Variants in GPR157 observed in about 807,000 individuals in gnomAD.
GPR157 encodes the protein G protein-coupled receptor 157, also known as G-protein coupled receptor 157.
A neutral mutation model predicts 23.5 loss-of-function variants in GPR157; 16 were observed. The ratio of observed to expected loss-of-function variants is 0.68; its 90% CI spans 0.46 to 1.04. The LOEUF (loss-of-function observed/expected upper bound fraction) is 1.04. GPR157 is among the 50% of genes least tolerant of loss of function. The pLI is 0.00. For synonymous variants in GPR157, 200 were observed against 221.5 expected (o/e 0.90, Z 0.86); for missense variants, 440 against 460.7 (o/e 0.96, Z 0.41).
In GPR157 at chr1:9,105,657, C is replaced by T; in HGVS notation, c.621G>A (p.Arg207=). 1 of 1,611,656 alleles carries T rather than the reference C, an allele frequency of 6.2e-7. No homozygotes were observed. The highest frequency in any genetic ancestry group is 8.5e-7 in the Non-Finnish European group (1 of 1,178,998). ...NRAHTALSEY[R]PILSQEHRLL... is the part of the protein sequence containing the mutation. Reference sequence around the variant, plus strand: ...GGCGGTGCTCCTGGGAGAGGATGGGCCGGTACTCAGAGAGTGCCGTGTGCT... The same window carrying T: ...GGCGGTGCTCCTGGGAGAGGATGGGTCGGTACTCAGAGAGTGCCGTGTGCT... Residue 207 remains arginine, a synonymous_variant, in exon 3 of 4, where the codon CGG becomes CGA. Coordinates refer to ENST00000377411, the MANE Select transcript of GPR157 (RefSeq NM_024980.5). This position sits in a 1 kb window ranked among gnomAD's most constrained non-coding sequence, Gnocchi z 4.8.
chr1:9,117,140 GCT>G (rs1638699522), intron 1 of GPR157, among the ~76,000 whole-genome samples: 1 of 152,280 alleles, frequency 6.6e-6, no homozygotes, highest in African/African-American at 2.4e-5. Context: ...CCCATGCCCA[GCT>G]CTGTTTTTAA....
intron 2 of GPR157, among the ~76,000 whole-genome samples, chr1:9,106,703 C>G (rs1638341976): frequency 6.6e-6 from 1 of 152,228 alleles, no homozygotes; most frequent in African/African-American, 2.4e-5. Context: ...AAGGCTCATG[C>G]CTGGAATCCC....
At position 9,104,443 on chromosome 1, in the gene GPR157, G is replaced by C; in HGVS notation, c.984C>G (p.Thr328=). The part of the protein sequence containing the change: ...KPGESQESQG[T]PGELPST ...CTCAGGTGCTTGGAAGTTCCCCTGG[G>C]GTCCCTTGGGATTCCTGAGATTCTC... is the stretch of plus-strand genomic sequence containing the variant. Residue 328 remains threonine, a synonymous_variant, in exon 4 of 4, where the codon ACC becomes ACG. Coordinates refer to ENST00000377411, the MANE Select transcript of GPR157 (RefSeq NM_024980.5). 1.2e-6 allele frequency: 2 copies of C among 1,613,960 alleles called. No individual in the cohort carries two copies. The highest frequency in any genetic ancestry group is 1.7e-6 in the Non-Finnish European group (2 of 1,179,976).
In GPR157 at chr1:9,100,739, C is replaced by T. The variant is rs182298362; in HGVS notation, c.*3680G>A. The T allele has an allele frequency of 3.3e-5, 5 of 152,352 alleles. No homozygotes were observed. Among genetic ancestry groups the T allele is most frequent in the African/African-American group, 1.2e-4 (5 of 41,566 alleles). 9.4% of individuals were successfully genotyped at this position (152,352 alleles called of 1,614,324 possible). A position where few individuals can be genotyped will look rare whatever the true frequency, so the allele number is the denominator to read the frequency against. On this transcript the variant is annotated 3_prime_UTR_variant, in exon 4 of 4. Coordinates refer to ENST00000377411, the MANE Select transcript of GPR157 (RefSeq NM_024980.5). Reference sequence around the variant, plus strand: ...CCACACTAACAGAGGAGAAAGAAGCCCACTGGGGCTGTGCAAAGTGTCCAA... The same window carrying T: ...CCACACTAACAGAGGAGAAAGAAGCTCACTGGGGCTGTGCAAAGTGTCCAA...
intron 2 of GPR157, among the ~76,000 whole-genome samples, chr1:9,107,105 T>C (rs1638360259): frequency 6.6e-6 from 1 of 152,192 alleles, no homozygotes; most frequent in East Asian, 1.9e-4. Flanking sequence ...TTCACCCTTG[T>C]TCCTTGGGCT....
At position 9,105,539 on chromosome 1, in the gene GPR157, G is replaced by C. The variant is rs1031429559; in HGVS notation, c.739C>G (p.Leu247Val). 3 of 1,594,780 alleles carry C rather than the reference G, an allele frequency of 1.9e-6. No homozygotes were observed. The highest frequency in any genetic ancestry group is 2.6e-6 in the Non-Finnish European group (3 of 1,171,794). Residue 247 changes from leucine to valine, a missense_variant, in exon 3 of 4, where the codon CTG becomes GTG. Coordinates refer to ENST00000377411, the MANE Select transcript of GPR157 (RefSeq NM_024980.5). This position sits in a 1 kb window ranked among gnomAD's most constrained non-coding sequence, Gnocchi z 4.8. Reference protein sequence around the residue: ...LRVWSTVRFVLTLCGSPAVQT... With the variant: ...LRVWSTVRFVVTLCGSPAVQT... ...ACGGCCGGGGAGCCACAGAGGGTCA[G>C]CACGAACCGCACGGTGCTCCAGACC...
intron 2 of GPR157, among the ~76,000 whole-genome samples, chr1:9,110,884 C>T (rs768491873): frequency 6.6e-6 from 1 of 152,132 alleles, no homozygotes; most frequent in South Asian, 2.1e-4. Context: ...GGTCTGTCCT[C>T]ACCTTTTAGC....
chr1:9,111,230 C>G (rs774494940), intron 2 of GPR157, 46 bp downstream of exon 2: 2 of 1,576,574 alleles, frequency 1.3e-6, no homozygotes, highest in South Asian at 2.2e-5. Flanking sequence ...TGCACCTGGG[C>G]ACAGCGGCCA....
chr1:9,124,821 T>C (rs1638930344), intron 1 of GPR157, among the ~76,000 whole-genome samples: 1 of 152,204 alleles, frequency 6.6e-6, no homozygotes, highest in Non-Finnish European at 1.5e-5. Context: ...CACACTATAT[T>C]GTAAATTCTT....
intron 1 of GPR157, among the ~76,000 whole-genome samples, chr1:9,127,758 G>A (rs1027384440): frequency 6.6e-6 from 1 of 152,176 alleles, no homozygotes; most frequent in Non-Finnish European, 1.5e-5. Context: ...GTTTTTAATA[G>A]AAAGGACCTA....
At chr1:9,125,666 A>C (rs1375938919) in intron 1 of GPR157, among the ~76,000 whole-genome samples, 4 of 152,178 alleles carry the variant, frequency 2.6e-5, no homozygotes, top group Non-Finnish European at 4.4e-5. Context: ...ATTCAAAACC[A>C]GTATCAAAGA....
At chr1:9,116,699 G>A (rs1446167758) in intron 1 of GPR157, among the ~76,000 whole-genome samples, 2 of 149,608 alleles carry the variant, frequency 1.3e-5, no homozygotes. Flanking sequence ...AGCCAAGATC[G>A]TGCCACTGCA....
Position 9,128,290 on chromosome 1 carries a change from TCC to T in GPR157, c.383+353_383+354del. On this transcript the variant is annotated intron_variant, in intron 1 of 3. Coordinates refer to ENST00000377411, the MANE Select transcript of GPR157 (RefSeq NM_024980.5). The surrounding 1 kb of genome is among the most constrained non-coding windows in gnomAD (Gnocchi z 6.3). ...TACCTAACTCGTCTCCCAGCCTGTT[TCC>T]CCATGGGCAGCAGAGACAGCCAGGA... 1.8e-6 allele frequency: 1 copy of T among 542,524 alleles called. No individual in the cohort carries two copies. The allele number at this position is 542,524 out of a possible 1,614,324, so 33.6% of individuals were successfully genotyped here. A position where few individuals can be genotyped will look rare whatever the true frequency, so the allele number is the denominator to read the frequency against.
intron 1 of GPR157, among the ~76,000 whole-genome samples, chr1:9,113,899 C>T (rs1361494215): frequency 4.6e-5 from 7 of 150,820 alleles, no homozygotes; most frequent in Non-Finnish European, 1.0e-4. Flanking sequence ...GCCGAGATCA[C>T]GCCACTGCAC....
In GPR157 at chr1:9,129,019, C is replaced by T; in HGVS notation, c.9G>A (p.Pro3=). The T allele has an allele frequency of 2.3e-6, 3 of 1,297,966 alleles. No individual in the cohort carries two copies. Among genetic ancestry groups the T allele is most frequent in the Non-Finnish European group, 2.9e-6 (3 of 1,026,008 alleles). The allele number at this position is 1,297,966 out of a possible 1,614,324, so 80.4% of individuals were successfully genotyped here. ...GCACCAGCTCGGTGGGCGGCGGGGACGGCTGCATGGCGTGGGGGGCCAGGA... is the reference window on the plus strand; with the variant it reads ...GCACCAGCTCGGTGGGCGGCGGGGATGGCTGCATGGCGTGGGGGGCCAGGA... MQ[P]SPPPTELVPS... Residue 3 remains proline, a synonymous_variant, in exon 1 of 4, where the codon CCG becomes CCA. Coordinates refer to ENST00000377411, the MANE Select transcript of GPR157 (RefSeq NM_024980.5).
At chr1:9,115,698 C>G (rs1162570396) in intron 1 of GPR157, among the ~76,000 whole-genome samples, 1 of 152,046 alleles carries the variant, frequency 6.6e-6, no homozygotes, top group Non-Finnish European at 1.5e-5. Flanking sequence ...CCCAACACAG[C>G]TGCCATCTCT....
chr1:9,111,065 A>G (rs1410259516), intron 2 of GPR157: 1 of 617,706 alleles, frequency 1.6e-6, no homozygotes, highest in African/African-American at 1.8e-5. Context: ...CCGGCTCCTA[A>G]CGGGGCAGTG....
rs1638779213 is a variant in GPR157, at chr1:9,120,614, C to A, written c.383+8031G>T. On this transcript the variant is annotated intron_variant, in intron 1 of 3. Coordinates refer to ENST00000377411, the MANE Select transcript of GPR157 (RefSeq NM_024980.5). The surrounding 1 kb of genome is among the most constrained non-coding windows in gnomAD (Gnocchi z 4.1). The stretch of plus-strand genomic sequence containing the variant: ...CTTGGGAGAAGTTCAGGGAGTCAGC[C>A]CCTAGGCCAGGCTACCACGAGGTCA... Among the ~76,000 whole-genome samples, 1 of 152,092 alleles carries A rather than the reference C, an allele frequency of 6.6e-6. No homozygotes were observed. Among genetic ancestry groups the A allele is most frequent in the African/African-American group, 2.4e-5 (1 of 41,384 alleles).
At chr1:9,115,649 C>T (rs566052570) in intron 1 of GPR157, among the ~76,000 whole-genome samples, 5 of 152,024 alleles carry the variant, frequency 3.3e-5, no homozygotes, top group Non-Finnish European at 7.4e-5. Context: ...CCTGTCTCTT[C>T]TCCTTACCTC....
Sources: allele counts gnomAD v4.1 joint callset (sites outside exome capture counted in the v4.1 genomes callset), GRCh38; gene constraint gnomAD v4.1.1; non-coding constraint Gnocchi (gnomAD v3.1); transcripts MANE v1.5; gene names NCBI Gene and HGNC (gene_info 2026-07-23, HGNC 2026-07-21).